SCGB2B2: variants seen among roughly 807,000 people sequenced by gnomAD.
SCGB2B2 encodes the protein secretoglobin-like protein.
Under a neutral mutation model 7.6 loss-of-function variants are expected in SCGB2B2, and 11 were observed. That is an observed-to-expected ratio of 1.45 (90% CI 0.91 to 2.40). The LOEUF is 2.40. Ranked by LOEUF, SCGB2B2 falls within the 30% of genes most tolerant of loss-of-function variation. SCGB2B2 has a pLI of 0.00. For missense variants in SCGB2B2, 104 were observed against 115.4 expected (o/e 0.90, Z 0.45); for synonymous variants, 50 against 48.6 (o/e 1.03, Z -0.12).
chr19:34,622,041 C>T (rs749260365), intron 1 of SCGB2B2, among the ~76,000 whole-genome samples: 1 of 152,184 alleles, frequency 6.6e-6, no homozygotes, highest in South Asian at 2.1e-4. Context: ...AGCAGTTCTG[C>T]CGCATTATGT....
intron 1 of SCGB2B2, among the ~76,000 whole-genome samples, chr19:34,618,413 T>C (rs2066149566): frequency 6.6e-6 from 1 of 152,230 alleles, no homozygotes; most frequent in Non-Finnish European, 1.5e-5. Context: ...TCTGGCCCTG[T>C]ATCAGTGTGC....
downstream of SCGB2B2, among the ~76,000 whole-genome samples, chr19:34,586,426 T>C (rs747366497): frequency 6.6e-6 from 1 of 152,188 alleles, no homozygotes; most frequent in Admixed American, 6.5e-5. Flanking sequence ...CACCCTCTCC[T>C]GCATCTCCTT....
At chr19:34,635,868 G>A (rs1022932549) in intron 1 of SCGB2B2, among the ~76,000 whole-genome samples, 5 of 152,220 alleles carry the variant, frequency 3.3e-5, no homozygotes, top group African/African-American at 1.2e-4. Context: ...TCTCTGCTGA[G>A]GCATTTCTCT....
At chr19:34,615,439 ATTT>A (rs74183311) in intron 1 of SCGB2B2, among the ~76,000 whole-genome samples, 2 of 133,708 alleles carry the variant, frequency 1.5e-5, no homozygotes, top group African/African-American at 5.7e-5. Context: ...GAGGTCCAGC[ATTT>A]TTTTTTTTTT....
intron 1 of SCGB2B2, among the ~76,000 whole-genome samples, chr19:34,664,976 C>G (rs1234336318): frequency 6.6e-6 from 1 of 152,202 alleles, no homozygotes; most frequent in African/African-American, 2.4e-5. Flanking sequence ...ACCTCCTGCC[C>G]AGGTGTTTGG....
chr19:34,647,220 C>T (rs1386105845), intron 1 of SCGB2B2, among the ~76,000 whole-genome samples: 6 of 152,190 alleles, frequency 3.9e-5, no homozygotes, highest in Non-Finnish European at 7.3e-5. Context: ...TCACAGGGAA[C>T]GAGCACCACT....
chr19:34,602,983 A>G (rs2065674158), intron 1 of SCGB2B2, among the ~76,000 whole-genome samples: 1 of 152,166 alleles, frequency 6.6e-6, no homozygotes, highest in Admixed American at 6.5e-5. Context: ...TTCCTCATTA[A>G]GTATTTGCCA....
chr19:34,652,233 G>T (rs1424929643), intron 1 of SCGB2B2, among the ~76,000 whole-genome samples: 3 of 151,132 alleles, frequency 2.0e-5, no homozygotes. Context: ...GTATAGTGAA[G>T]AACCCAAAAG....
At chr19:34,665,641 T>C (rs1342823021) in intron 1 of SCGB2B2, among the ~76,000 whole-genome samples, 1 of 152,064 alleles carries the variant, frequency 6.6e-6, no homozygotes, top group Admixed American at 6.5e-5. Context: ...CTACCCCTCA[T>C]GGCAGTTGAG....
chr19:34,649,498 G>A (rs1437845186), intron 1 of SCGB2B2, among the ~76,000 whole-genome samples: 5 of 151,882 alleles, frequency 3.3e-5, no homozygotes, highest in African/African-American at 1.2e-4. Flanking sequence ...CTCTTTTTTT[G>A]TGTGAATTTA....
intron 1 of SCGB2B2, among the ~76,000 whole-genome samples, chr19:34,612,227 C>G (rs1330517071): frequency 6.6e-6 from 1 of 150,464 alleles, no homozygotes; most frequent in Admixed American, 6.6e-5. Flanking sequence ...TCAGTAGAGA[C>G]CGGGTTTCAC....
chr19:34,655,178 A>C (rs2067251377), intron 1 of SCGB2B2, among the ~76,000 whole-genome samples: 1 of 151,214 alleles, frequency 6.6e-6, no homozygotes, highest in African/African-American at 2.5e-5. Context: ...TTAACCTGAA[A>C]AACTAGTTCA....
chr19:34,674,853 T>C (rs9304857), intron 1 of SCGB2B2, among the ~76,000 whole-genome samples: 3 of 152,360 alleles, frequency 2.0e-5, no homozygotes, highest in East Asian at 3.9e-4. Context: ...ATTCAGTTAC[T>C]ATTTCAGTTG....
At chr19:34,639,097 C>T (rs1357644625) in intron 1 of SCGB2B2, among the ~76,000 whole-genome samples, 1 of 152,158 alleles carries the variant, frequency 6.6e-6, no homozygotes, top group African/African-American at 2.4e-5. Flanking sequence ...TTTCTTCTGC[C>T]CCAATTATTT....
chr19:34,663,414 G>A (rs1225078305), intron 1 of SCGB2B2, among the ~76,000 whole-genome samples: 2 of 152,216 alleles, frequency 1.3e-5, no homozygotes, highest in Non-Finnish European at 2.9e-5. Context: ...TGGATTGATA[G>A]CAACAGCAAT....
At chr19:34,619,950 T>C (rs2066193804) in intron 1 of SCGB2B2, among the ~76,000 whole-genome samples, 1 of 152,184 alleles carries the variant, frequency 6.6e-6, no homozygotes, top group African/African-American at 2.4e-5. Flanking sequence ...AATAACCTTT[T>C]CAAGTGCACA....
chr19:34,642,078 A>G (rs2066858799), intron 1 of SCGB2B2, among the ~76,000 whole-genome samples: 1 of 152,220 alleles, frequency 6.6e-6, no homozygotes, highest in Non-Finnish European at 1.5e-5. Context: ...GGAACCCAGG[A>G]AGCTGACAAG....
At chr19:34,653,748 G>T (rs1185908591) in intron 1 of SCGB2B2, among the ~76,000 whole-genome samples, 1 of 151,024 alleles carries the variant, frequency 6.6e-6, no homozygotes, top group Admixed American at 6.6e-5. Flanking sequence ...TGCAGAGAAA[G>T]CACTTGATAA....
At chr19:34,619,601 G>A (rs1369107240) in intron 1 of SCGB2B2, among the ~76,000 whole-genome samples, 2 of 152,112 alleles carry the variant, frequency 1.3e-5, no homozygotes, top group Admixed American at 6.5e-5. Flanking sequence ...TTCAAGACAC[G>A]AAATCAGAAG....
Sources: gnomAD v4.1 joint callset for allele counts (sites outside exome capture counted in the v4.1 genomes callset) on GRCh38, gnomAD v4.1.1 for gene constraint, MANE v1.5 for transcripts, NCBI Gene and HGNC (gene_info 2026-07-23, HGNC 2026-07-21) for gene names.